The following INPP5A variants were observed in gnomAD, a reference collection of about 807,000 sequenced individuals.
INPP5A encodes the protein 43 kDa inositol polyphosphate 5-phophatase.
In INPP5A, 14 loss-of-function variants were observed where a neutral mutation model predicts 65.2. That is an observed-to-expected ratio of 0.21 (90% CI 0.14 to 0.34). The LOEUF is 0.34. Among genes scored for constraint, INPP5A ranks in the 10% least tolerant of loss-of-function variants. The probability of loss-of-function intolerance (pLI) is 1.00; values close to 1 mark genes in which losing one functional copy is unlikely to be tolerated. For missense variants in INPP5A, 431 were observed against 545.6 expected (o/e 0.79, Z 2.09); for synonymous variants, 207 against 208.3 (o/e 0.99, Z 0.05).
At chr10:132,713,072 T>C (rs1242615897) in intron 8 of INPP5A, among the ~76,000 whole-genome samples, 1 of 150,510 alleles carries the variant, frequency 6.6e-6, no homozygotes, top group Non-Finnish European at 1.5e-5. Flanking sequence ...GGGGAGAGCA[T>C]ATGCACGTGG....
At chr10:132,625,838 TTCTGTGTGTGTGTGTG>T (rs1175823689) in intron 2 of INPP5A, among the ~76,000 whole-genome samples, 1 of 107,368 alleles carries the variant, frequency 9.3e-6, no homozygotes, top group Non-Finnish European at 1.9e-5. Context: ...CTGGCAGGAC[TTCTGTGTGTGTGTGTG>T]TGTGTGTGTG....
intron 12 of INPP5A, among the ~76,000 whole-genome samples, chr10:132,768,945 T>C (rs1182198049): frequency 6.6e-6 from 1 of 152,218 alleles, no homozygotes; most frequent in Non-Finnish European, 1.5e-5. Context: ...TCAGCATTGG[T>C]GGGCAGGACC....
chr10:132,774,259 A>G (rs1225092907), intron 12 of INPP5A, among the ~76,000 whole-genome samples: 2 of 152,214 alleles, frequency 1.3e-5, no homozygotes, highest in East Asian at 1.9e-4. Context: ...CTGCACGGGA[A>G]GGCAGAGCTT....
intron 8 of INPP5A, among the ~76,000 whole-genome samples, chr10:132,715,912 C>T (rs1056011553): frequency 1.3e-5 from 2 of 152,192 alleles, no homozygotes; most frequent in African/African-American, 2.4e-5. Flanking sequence ...TCCGCATGCC[C>T]GGGACTCCTG....
rs959681372 is a variant in INPP5A, at chr10:132,538,203, G to A, written c.75+32G>A. ...CCCCCGTGCCGGCGGCAGGCCCCAA[G>A]CCCGGAACCCCCGACCCTGACCCCG... On this transcript the variant is annotated intron_variant, in intron 1 of 15. Coordinates refer to ENST00000368594, the MANE Select transcript of INPP5A (RefSeq NM_005539.5). This position sits in a 1 kb window ranked among gnomAD's most constrained non-coding sequence, Gnocchi z 4.1. 6.4e-6 allele frequency: 8 copies of A among 1,240,526 alleles called. No individual in the cohort carries two copies. Among genetic ancestry groups the A allele is most frequent in the African/African-American group, 1.6e-5 (1 of 64,252 alleles). The allele number at this position is 1,240,526 out of a possible 1,614,324, so 76.8% of individuals were successfully genotyped here. A position where few individuals can be genotyped will look rare whatever the true frequency, so the allele number is the denominator to read the frequency against.
In INPP5A at chr10:132,546,650, C is replaced by A. The variant is rs927219209; in HGVS notation, c.75+8479C>A. ...CCTTCCCACTCTGGATTGTCCTGGG[C>A]GTCTCTGTGTGGGGTCTCCTGGCTC... On this transcript the variant is annotated intron_variant, in intron 1 of 15. Transcript: ENST00000368594. This position sits in a 1 kb window ranked among gnomAD's most constrained non-coding sequence, Gnocchi z 5.7. 6.6e-6 allele frequency among the ~76,000 whole-genome samples: 1 copy of A among 152,138 alleles called. No homozygotes were observed. Among genetic ancestry groups the A allele is most frequent in the East Asian group, 1.9e-4 (1 of 5,182 alleles).
intron 1 of INPP5A, among the ~76,000 whole-genome samples, chr10:132,569,384 G>A (rs1268090340): frequency 1.3e-5 from 2 of 151,962 alleles, no homozygotes; most frequent in African/African-American, 2.4e-5. Context: ...ACAGGGTCTC[G>A]CCCTGTTGCA....
chr10:132,716,415 C>T (rs954966266), intron 8 of INPP5A, among the ~76,000 whole-genome samples: 1 of 152,252 alleles, frequency 6.6e-6, no homozygotes, highest in Non-Finnish European at 1.5e-5. Context: ...TTACACATGT[C>T]ATCGCCTGTG....
At chr10:132,579,021 G>T (rs1056009447) in intron 1 of INPP5A, among the ~76,000 whole-genome samples, 4 of 152,214 alleles carry the variant, frequency 2.6e-5, no homozygotes, top group African/African-American at 9.6e-5. Flanking sequence ...TTGTGCCTCG[G>T]TTTCCACACC....
intron 11 of INPP5A, among the ~76,000 whole-genome samples, chr10:132,755,089 G>A (rs1421402548): frequency 6.6e-6 from 1 of 152,180 alleles, no homozygotes; most frequent in Non-Finnish European, 1.5e-5. Flanking sequence ...ATGTGCATAT[G>A]CATGTGAGCA....
chr10:132,611,562 G>A (rs1332541530), intron 2 of INPP5A, among the ~76,000 whole-genome samples: 2 of 138,462 alleles, frequency 1.4e-5, no homozygotes, highest in Non-Finnish European at 3.1e-5. Context: ...GAGGTGAGGT[G>A]GGAAGGGGAG....
chr10:132,598,077 G>A (rs183235667), intron 1 of INPP5A, among the ~76,000 whole-genome samples: 65 of 152,356 alleles, frequency 4.3e-4, no homozygotes, highest in East Asian at 3.5e-3. Flanking sequence ...TCGCTTGGGC[G>A]TCTGGGACCT....
Position 132,555,171 on chromosome 10 carries a change from T to TGG in INPP5A, c.75+17006_75+17007dup, listed in dbSNP as rs1217351483. 7.3e-6 allele frequency among the ~76,000 whole-genome samples: 1 copy of TGG among 137,700 alleles called. No homozygotes were observed. Among genetic ancestry groups the TGG allele is most frequent in the Admixed American group, 7.2e-5 (1 of 13,952 alleles). The allele number at this position is 137,700 out of a possible 152,430, so 90.3% of individuals were successfully genotyped here. A position where few individuals can be genotyped will look rare whatever the true frequency, so the allele number is the denominator to read the frequency against. On this transcript the variant is annotated intron_variant, in intron 1 of 15. Transcript: ENST00000368594. This position sits in a 1 kb window ranked among gnomAD's most constrained non-coding sequence, Gnocchi z 4.4. ...GGGTGGCATAGATGGCATGGTGGGG[T>TGG]GGGGGGGTGTGGATGGCAAGCGGCA...
At chr10:132,565,433 C>T (rs1173292231) in intron 1 of INPP5A, among the ~76,000 whole-genome samples, 1 of 152,234 alleles carries the variant, frequency 6.6e-6, no homozygotes, top group Admixed American at 6.5e-5. Flanking sequence ...CTCAACACAA[C>T]CTTCCCAGAT....
intron 12 of INPP5A, among the ~76,000 whole-genome samples, chr10:132,766,140 G>A (rs538382232): frequency 3.3e-5 from 5 of 150,538 alleles, no homozygotes; most frequent in Admixed American, 2.0e-4. Flanking sequence ...GTGTGTGCAC[G>A]TGTGCATCTG....
At chr10:132,696,710 C>T (rs1845349669) in intron 5 of INPP5A, among the ~76,000 whole-genome samples, 1 of 152,328 alleles carries the variant, frequency 6.6e-6, no homozygotes, top group East Asian at 1.9e-4. Flanking sequence ...CTCCATAAGT[C>T]GCTGAAACAT....
chr10:132,625,411 C>G (rs2072169923), intron 2 of INPP5A, among the ~76,000 whole-genome samples: 1 of 152,046 alleles, frequency 6.6e-6, no homozygotes, highest in Admixed American at 6.6e-5. Flanking sequence ...AATAAATATT[C>G]ATGTCTTGGT....
chr10:132,592,309 C>T (rs140469614), intron 1 of INPP5A, among the ~76,000 whole-genome samples: 149 of 152,316 alleles, frequency 9.8e-4, no homozygotes, highest in African/African-American at 3.4e-3. Flanking sequence ...GTTTAACAAT[C>T]CATTGTAAGA....
chr10:132,663,011 G>T lies in INPP5A; in HGVS notation c.306+12506G>T, dbSNP rs140144167. 0.024 allele frequency among the ~76,000 whole-genome samples: 3,619 copies of T among 152,256 alleles called. 60 individuals carry two copies. The highest frequency in any genetic ancestry group is 0.037 in the Middle Eastern group (11 of 294). On this transcript the variant is annotated intron_variant, in intron 4 of 15. Transcript: ENST00000368594. This position sits in a 1 kb window ranked among gnomAD's most constrained non-coding sequence, Gnocchi z 4.5. ...AGGAAAATCTAGTCTTGTGGTGGAT[G>T]GCTTGTGAGGGGTCAAACTGCAGAT...
Sources: gnomAD v4.1 joint callset for allele counts (sites outside exome capture counted in the v4.1 genomes callset) on GRCh38, gnomAD v4.1.1 for gene constraint, Gnocchi (gnomAD v3.1) non-coding constraint, MANE v1.5 for transcripts, NCBI Gene and HGNC (gene_info 2026-07-23, HGNC 2026-07-21) for gene names.